The following PPP1R9A variants were observed in gnomAD, a reference collection of about 807,000 sequenced individuals.
PPP1R9A encodes the protein neurabin-1.
Under a neutral mutation model 141.9 loss-of-function variants are expected in PPP1R9A, and 59 were observed. That is an observed-to-expected ratio of 0.42 (90% confidence interval 0.34 to 0.52). The LOEUF is 0.52. Ranked by LOEUF, PPP1R9A falls within the 20% of genes least tolerant of loss-of-function variation. The pLI is 0.10. For missense variants in PPP1R9A, 1,444 were observed against 1,611.9 expected (o/e 0.90, Z 1.78); for synonymous variants, 500 against 569.7 (o/e 0.88, Z 1.74).
At chr7:95,208,956 T>TAAAAAAAAAAAAAAAAAAA (rs10670515) in intron 7 of PPP1R9A, among the ~76,000 whole-genome samples, 12 of 76,874 alleles carry the variant, frequency 1.6e-4, no homozygotes, top group South Asian at 5.2e-4. Flanking sequence ...ATAGCAAAAC[T>TAAAAAAAAAAAAAAAAAAA]AAAAAAAAAA....
chr7:94,982,617 T>C (rs1175767852), intron 2 of PPP1R9A, among the ~76,000 whole-genome samples: 1 of 152,218 alleles, frequency 6.6e-6, no homozygotes, highest in East Asian at 1.9e-4. Context: ...GCTGCATAAA[T>C]GTCTTCTTTT....
chr7:95,206,737 T>C (rs1351069089), intron 7 of PPP1R9A, among the ~76,000 whole-genome samples: 2 of 152,226 alleles, frequency 1.3e-5, no homozygotes, highest in Non-Finnish European at 2.9e-5. Context: ...CATACTTTTC[T>C]TGAACTGCTT....
intron 2 of PPP1R9A, among the ~76,000 whole-genome samples, chr7:95,058,635 C>A (rs979189550): frequency 6.6e-6 from 1 of 151,868 alleles, no homozygotes; most frequent in Non-Finnish European, 1.5e-5. Flanking sequence ...AGGAAATAGT[C>A]AAATGTGCTG....
intron 4 of PPP1R9A, among the ~76,000 whole-genome samples, chr7:95,147,110 A>T (rs1430708600): frequency 1.3e-5 from 2 of 152,188 alleles, no homozygotes; most frequent in Non-Finnish European, 2.9e-5. Flanking sequence ...CATGATATTG[A>T]TTCTTCCTAT....
At chr7:95,100,478 T>C (rs1379151683) in intron 2 of PPP1R9A, among the ~76,000 whole-genome samples, 4 of 152,212 alleles carry the variant, frequency 2.6e-5, no homozygotes, top group African/African-American at 7.2e-5. Flanking sequence ...CAGCGTAAGT[T>C]GTGTTTTCCA....
At chr7:94,974,451 G>A (rs1342872208) in intron 2 of PPP1R9A, among the ~76,000 whole-genome samples, 2 of 152,182 alleles carry the variant, frequency 1.3e-5, no homozygotes, top group African/African-American at 4.8e-5. Flanking sequence ...ACATCCAAAT[G>A]GAACGAGCTG....
At position 95,291,046 on chromosome 7, in the gene PPP1R9A, C is replaced by T. The variant is rs1241990690; in HGVS notation, c.*743C>T. ...TATTTATCCTCTAGATACGGCTGAA[C>T]AAGAAAGAAAAAAATCAGACATTAA... On this transcript the variant is annotated 3_prime_UTR_variant, in exon 20 of 20. Coordinates refer to ENST00000433360, the MANE Select transcript of PPP1R9A (RefSeq NM_001166160.2). 1 of 152,048 alleles carries T rather than the reference C, an allele frequency of 6.6e-6. No individual in the cohort carries two copies. The highest frequency in any genetic ancestry group is 1.5e-5 in the Non-Finnish European group (1 of 68,012). 9.4% of individuals were successfully genotyped at this position (152,048 alleles called of 1,614,324 possible).
At chr7:94,951,644 A>G (rs77818090) in intron 2 of PPP1R9A, among the ~76,000 whole-genome samples, 4 of 151,964 alleles carry the variant, frequency 2.6e-5, no homozygotes, top group African/African-American at 4.8e-5. Context: ...TTTTGCGTCA[A>G]TGGTTGTGAG....
chr7:95,147,955 T>G (rs2152628946), intron 4 of PPP1R9A, among the ~76,000 whole-genome samples: 1 of 152,290 alleles, frequency 6.6e-6, no homozygotes, highest in South Asian at 2.1e-4. Flanking sequence ...GCCTGAAATT[T>G]TCTTTTTTTG....
chr7:95,269,604 G>A (rs1801845993), intron 14 of PPP1R9A, 97 bp downstream of exon 14: 1 of 932,060 alleles, frequency 1.1e-6, no homozygotes, highest in Non-Finnish European at 1.5e-6. Context: ...TTTTCTCATA[G>A]CTAATAATTA....
At chr7:95,090,387 A>G (rs1021055102) in intron 2 of PPP1R9A, among the ~76,000 whole-genome samples, 3 of 152,096 alleles carry the variant, frequency 2.0e-5, no homozygotes, top group African/African-American at 7.3e-5. Context: ...GTTAATATAT[A>G]GACAAATTTG....
chr7:95,188,272 G>T (rs1307660214), intron 5 of PPP1R9A, among the ~76,000 whole-genome samples: 1 of 151,804 alleles, frequency 6.6e-6, no homozygotes, highest in Non-Finnish European at 1.5e-5. Flanking sequence ...TTGCTTTAAA[G>T]TCTGTTTTGT....
intron 2 of PPP1R9A, among the ~76,000 whole-genome samples, chr7:94,923,618 A>G (rs1386632030): frequency 6.6e-6 from 1 of 152,176 alleles, no homozygotes; most frequent in Non-Finnish European, 1.5e-5. Context: ...CTCTTAAAAA[A>G]CATATTAGTT....
intron 12 of PPP1R9A, among the ~76,000 whole-genome samples, chr7:95,252,554 G>A (rs1325382701): frequency 7.1e-6 from 1 of 140,344 alleles, no homozygotes; most frequent in Non-Finnish European, 1.5e-5. Flanking sequence ...TACAACCTTC[G>A]CCTCCCAGGT....
At chr7:94,918,807 A>C (rs1792406829) in intron 2 of PPP1R9A, among the ~76,000 whole-genome samples, 1 of 152,224 alleles carries the variant, frequency 6.6e-6, no homozygotes, top group African/African-American at 2.4e-5. Context: ...TAAGATATCA[A>C]AAGGATAGCA....
chr7:94,942,151 T>G (rs1215240837), intron 2 of PPP1R9A, among the ~76,000 whole-genome samples: 1 of 152,168 alleles, frequency 6.6e-6, no homozygotes, highest in Non-Finnish European at 1.5e-5. Flanking sequence ...CTCTTCTCAG[T>G]CAGAATATAT....
rs551599217 is a variant in PPP1R9A, at chr7:95,100,907, C to T, written c.1396-10352C>T. Among the ~76,000 whole-genome samples the T allele has an allele frequency of 6.9e-3, 890 of 128,414 alleles. 9 individuals carry two copies. The highest frequency in any genetic ancestry group is 0.025 in the African/African-American group (847 of 33,220). 84.2% of individuals were successfully genotyped at this position (128,414 alleles called of 152,430 possible). A position where few individuals can be genotyped will look rare whatever the true frequency, so the allele number is the denominator to read the frequency against. On this transcript the variant is annotated intron_variant, in intron 2 of 19. Transcript: ENST00000433360. Reference sequence around the variant, plus strand: ...TCGCTCTGTCGCCCAGGCTGGAGTGCAGTGGCGGGATCTCGGCTCACTGCA... The same window carrying T: ...TCGCTCTGTCGCCCAGGCTGGAGTGTAGTGGCGGGATCTCGGCTCACTGCA...
chr7:95,069,225 G>A (rs1003293618), intron 2 of PPP1R9A, among the ~76,000 whole-genome samples: 1 of 152,160 alleles, frequency 6.6e-6, no homozygotes, highest in Non-Finnish European at 1.5e-5. Context: ...GATAGTGTGT[G>A]TATGACTGCC....
chr7:95,283,665 G>A (rs1202165400), intron 16 of PPP1R9A, among the ~76,000 whole-genome samples: 1 of 152,142 alleles, frequency 6.6e-6, no homozygotes, highest in South Asian at 2.1e-4. Flanking sequence ...CTAGCTGTGA[G>A]GCATGTCACC....
Sources: gnomAD v4.1 joint callset for allele counts (sites outside exome capture counted in the v4.1 genomes callset) on GRCh38, gnomAD v4.1.1 for gene constraint, MANE v1.5 for transcripts, NCBI Gene and HGNC (gene_info 2026-07-23, HGNC 2026-07-21) for gene names.